The following MBD5 variants were observed in gnomAD, a reference collection of about 807,000 sequenced individuals.
MBD5 encodes the protein methyl-CpG-binding domain protein 5.
In MBD5, 13 loss-of-function variants were observed where a neutral mutation model predicts 117.3. That is an observed-to-expected ratio of 0.11 (90% CI 0.07 to 0.18). The LOEUF (loss-of-function observed/expected upper bound fraction) is 0.18. MBD5 is among the 10% of genes least tolerant of loss of function. The pLI is 1.00. For missense variants in MBD5, 1,879 were observed against 2,093.8 expected (o/e 0.90, Z 2.00); for synonymous variants, 727 against 766.4 (o/e 0.95, Z 0.85).
chr2:148,380,061 A>G (rs915582050), intron 4 of MBD5, among the ~76,000 whole-genome samples: 3 of 152,212 alleles, frequency 2.0e-5, no homozygotes, highest in African/African-American at 7.2e-5. Flanking sequence ...GCAAAAAGTT[A>G]TGCCAGGCAA....
At chr2:148,235,827 C>G (rs1248883973) in intron 3 of MBD5, among the ~76,000 whole-genome samples, 2 of 152,064 alleles carry the variant, frequency 1.3e-5, no homozygotes, top group African/African-American at 4.8e-5. Context: ...GGGACAGGCT[C>G]TTACTCTCTC....
intron 3 of MBD5, among the ~76,000 whole-genome samples, chr2:148,314,076 T>C (rs1251362255): frequency 2.6e-5 from 4 of 151,988 alleles, no homozygotes; most frequent in Non-Finnish European, 4.4e-5. Flanking sequence ...ATCGGAGCTA[T>C]TCCTATTCGG....
chr2:148,410,108 A>G (rs573771455), intron 4 of MBD5, among the ~76,000 whole-genome samples: 1 of 152,314 alleles, frequency 6.6e-6, no homozygotes, highest in Admixed American at 6.5e-5. Flanking sequence ...ATTCTTGTAG[A>G]TAATGATACA....
chr2:148,397,055 A>G (rs958550431), intron 4 of MBD5, among the ~76,000 whole-genome samples: 5 of 152,172 alleles, frequency 3.3e-5, no homozygotes, highest in African/African-American at 1.2e-4. Context: ...TATAATTACT[A>G]AGACTTGCTG....
intron 3 of MBD5, among the ~76,000 whole-genome samples, chr2:148,322,054 C>G (rs1702296040): frequency 1.3e-5 from 2 of 152,202 alleles, no homozygotes; most frequent in African/African-American, 2.4e-5. Flanking sequence ...TGCATGTACT[C>G]TACGCTAGAC....
At position 148,490,496 on chromosome 2, in the gene MBD5, G is replaced by A. The variant is rs758218596; in HGVS notation, c.4864G>A (p.Val1622Ile). The A allele has an allele frequency of 1.2e-6, 2 of 1,614,196 alleles. No homozygotes were observed. Among genetic ancestry groups the A allele is most frequent in the Admixed American group, 1.7e-5 (1 of 60,034 alleles). ...AAGGACGTTCAATGTTGGCGACTTG[G>A]TCTGGGGCCAAATCAAAGGACTGAC... ...RPRTFNVGDL[V>I]WGQIKGLTSW... Residue 1622 changes from valine to isoleucine, a missense_variant, in exon 11 of 14, where the codon GTC becomes ATC. Val to Ile is a conservative substitution (Grantham distance 29). Transcript: ENST00000642680.
chr2:148,266,206 T>C (rs568775642), intron 3 of MBD5, among the ~76,000 whole-genome samples: 4 of 152,258 alleles, frequency 2.6e-5, no homozygotes, highest in Non-Finnish European at 4.4e-5. Flanking sequence ...TAGGCTTTAT[T>C]TGAGGAATTC....
chr2:148,150,815 T>C (rs943776901), intron 1 of MBD5, among the ~76,000 whole-genome samples: 1 of 152,210 alleles, frequency 6.6e-6, no homozygotes, highest in African/African-American at 2.4e-5. Flanking sequence ...TTGCTGAAGT[T>C]GCTTATCAGC....
Position 148,512,724 on chromosome 2 carries a change from T to C in MBD5, c.5113-146T>C, listed in dbSNP as rs1682254824. 1.6e-5 allele frequency: 12 copies of C among 744,032 alleles called. No individual in the cohort carries two copies. The South Asian group carries it at 1.6e-4, about 10-fold the overall frequency. 46.1% of individuals were successfully genotyped at this position (744,032 alleles called of 1,614,324 possible). On this transcript the variant is annotated intron_variant, in intron 13 of 13. Transcript: ENST00000642680. ...GGCACACTGACATCTGGGGTCTTGG[T>C]AAACATTTGAAGTGCCTCAGGATAT...
chr2:148,207,546 A>T (rs546052576), intron 2 of MBD5, among the ~76,000 whole-genome samples: 51 of 152,202 alleles, frequency 3.4e-4, no homozygotes, highest in African/African-American at 1.2e-3. Flanking sequence ...ATAACAGATC[A>T]TTCGAGGGTG....
At chr2:148,381,422 G>A (rs1232552431) in intron 4 of MBD5, among the ~76,000 whole-genome samples, 2 of 152,144 alleles carry the variant, frequency 1.3e-5, no homozygotes, top group Non-Finnish European at 2.9e-5. Context: ...AGAATAAAAA[G>A]AAATGAACAA....
chr2:148,154,882 C>T (rs1697824934), intron 1 of MBD5, among the ~76,000 whole-genome samples: 1 of 152,216 alleles, frequency 6.6e-6, no homozygotes, highest in African/African-American at 2.4e-5. Flanking sequence ...ATGCAGAAAT[C>T]ACCCATCTTC....
chr2:148,301,450 A>G (rs1444190921), intron 3 of MBD5, among the ~76,000 whole-genome samples: 1 of 152,230 alleles, frequency 6.6e-6, no homozygotes, highest in Non-Finnish European at 1.5e-5. Flanking sequence ...AAGGGGCATA[A>G]GAGCAGAGTG....
intron 1 of MBD5, among the ~76,000 whole-genome samples, chr2:148,139,905 T>A (rs750334264): frequency 6.6e-6 from 1 of 152,202 alleles, no homozygotes; most frequent in Non-Finnish European, 1.5e-5. Context: ...AATGAATGAT[T>A]GTGACAAAAC....
intron 2 of MBD5, among the ~76,000 whole-genome samples, chr2:148,230,522 CTGCTTGG>C (rs1273458765): frequency 1.3e-5 from 2 of 152,266 alleles, no homozygotes; most frequent in African/African-American, 4.8e-5. Flanking sequence ...CCCCAATAAC[CTGCTTGG>C]TGCTCTGACC....
At chr2:148,390,567 A>G (rs746783283) in intron 4 of MBD5, among the ~76,000 whole-genome samples, 29,758 of 144,600 alleles carry the variant, frequency 0.21, 3,307 homozygotes, top group African/African-American at 0.32. Flanking sequence ...ATGTGTGTAT[A>G]TATATATATA....
chr2:148,431,513 G>C (rs1348671109), intron 4 of MBD5, among the ~76,000 whole-genome samples: 1 of 151,944 alleles, frequency 6.6e-6, no homozygotes, highest in Admixed American at 6.6e-5. Flanking sequence ...CTACCTGATA[G>C]GTATTTTTTC....
At chr2:148,141,791 CA>C (rs67998222) in intron 1 of MBD5, among the ~76,000 whole-genome samples, 62,281 of 128,554 alleles carry the variant, frequency 0.48, 13,198 homozygotes, top group South Asian at 0.57. Flanking sequence ...GACCCCGTCT[CA>C]AAAAAAAAAA....
At chr2:148,157,579 T>C (rs1276609234) in intron 1 of MBD5, among the ~76,000 whole-genome samples, 3 of 152,140 alleles carry the variant, frequency 2.0e-5, no homozygotes, top group African/African-American at 7.2e-5. Flanking sequence ...CTACTACAAA[T>C]GCCTCATAGA....
Sources: gnomAD v4.1 joint callset for allele counts (sites outside exome capture counted in the v4.1 genomes callset) on GRCh38, gnomAD v4.1.1 for gene constraint, MANE v1.5 for transcripts, NCBI Gene and HGNC (gene_info 2026-07-23, HGNC 2026-07-21) for gene names.